Variants in KIF26B observed in about 807,000 individuals in gnomAD.
The protein encoded by KIF26B is kinesin-like protein KIF26B.
KIF26B carries 63 observed loss-of-function variants against 151.2 expected under a neutral mutation model. That is an observed-to-expected ratio of 0.42 (90% CI 0.34 to 0.51). The LOEUF (loss-of-function observed/expected upper bound fraction) is 0.51. Ranked by LOEUF, KIF26B falls within the 20% of genes least tolerant of loss-of-function variation. The pLI is 0.07. For synonymous variants in KIF26B, 1,357 were observed against 1,262.1 expected, an observed-to-expected ratio of 1.08 and a Z score of -1.59; for missense variants, 2,813 against 2,913.6, an observed-to-expected ratio of 0.97 and a Z score of 0.79.
chr1:245,504,597 TC>T (rs1236525419), intron 4 of KIF26B, among the ~76,000 whole-genome samples: 2 of 151,870 alleles, frequency 1.3e-5, no homozygotes, highest in African/African-American at 4.8e-5. Context: ...ACACCACCAC[TC>T]CCAGCTAGTT....
chr1:245,173,376 A>G (rs1189848571), intron 2 of KIF26B, among the ~76,000 whole-genome samples: 3 of 152,210 alleles, frequency 2.0e-5, no homozygotes, highest in Non-Finnish European at 4.4e-5. Context: ...CTGGGCGCAC[A>G]CACACGGAAA....
At position 245,556,650 on chromosome 1, in the gene KIF26B, C is replaced by T. The variant is rs147810048; in HGVS notation, c.1350+15700C>T. Among the ~76,000 whole-genome samples, 798 of 152,254 alleles carry T rather than the reference C, an allele frequency of 5.2e-3. 7 individuals carry two copies. Among genetic ancestry groups the T allele is most frequent in the African/African-American group, 0.018 (755 of 41,544 alleles). On this transcript the variant is annotated intron_variant, in intron 5 of 14. Transcript: ENST00000407071. Reference sequence around the variant, plus strand: ...CTCCTGAGTTCGGATGATTTGCCGGCCTTGGCCTCCCAAAGTGCTGGGATT... The same window carrying T: ...CTCCTGAGTTCGGATGATTTGCCGGTCTTGGCCTCCCAAAGTGCTGGGATT...
At position 245,218,728 on chromosome 1, in the gene KIF26B, A is replaced by G. The variant is rs1336072251; in HGVS notation, c.465+62045A>G. On this transcript the variant is annotated intron_variant, in intron 2 of 14. Transcript: ENST00000407071. This position sits in a 1 kb window ranked among gnomAD's most constrained non-coding sequence, Gnocchi z 4.1. The stretch of plus-strand genomic sequence containing the variant: ...TCAGAATTTTAATAAGCAAATATAC[A>G]TGGTACCTTGCCGTAGGGGGGCTTT... 1.3e-5 allele frequency among the ~76,000 whole-genome samples: 2 copies of G among 152,154 alleles called. No individual in the cohort carries two copies. Among genetic ancestry groups the G allele is most frequent in the African/African-American group, 4.8e-5 (2 of 41,432 alleles).
intron 10 of KIF26B, among the ~76,000 whole-genome samples, chr1:245,655,070 T>C (rs1197983222): frequency 6.6e-6 from 1 of 152,240 alleles, no homozygotes. Context: ...GTGGAATCGC[T>C]GTGCTTTCTA....
At chr1:245,371,462 C>G (rs1455315323) in intron 3 of KIF26B, 1 of 152,198 alleles carries the variant, frequency 6.6e-6, no homozygotes, top group African/African-American at 2.4e-5. Flanking sequence ...ATTCCCCGGG[C>G]AGAGAAGCAT....
At chr1:245,588,795 T>C (rs919248940) in intron 5 of KIF26B, among the ~76,000 whole-genome samples, 3 of 152,180 alleles carry the variant, frequency 2.0e-5, no homozygotes, top group Non-Finnish European at 4.4e-5. Flanking sequence ...GTTCAACACA[T>C]GCTGAGTGGA....
chr1:245,698,659 A>G lies in KIF26B; in HGVS notation c.6028-228A>G. On this transcript the variant is annotated intron_variant, in intron 13 of 14. Coordinates refer to ENST00000407071, the MANE Select transcript of KIF26B (RefSeq NM_018012.4). This position sits in a 1 kb window ranked among gnomAD's most constrained non-coding sequence, Gnocchi z 4.0. ...TTTCTCAACTTAAGAATGGCCTGTC[A>G]TAGTCCAAAAATGGTCTGTCATAGT... Among the ~76,000 whole-genome samples, 1 of 149,218 alleles carries G rather than the reference A, an allele frequency of 6.7e-6. No individual in the cohort carries two copies. The highest frequency in any genetic ancestry group is 1.9e-4 in the East Asian group (1 of 5,194).
At chr1:245,533,019 C>T (rs763854194) in intron 4 of KIF26B, among the ~76,000 whole-genome samples, 1 of 152,236 alleles carries the variant, frequency 6.6e-6, no homozygotes, top group Non-Finnish European at 1.5e-5. Flanking sequence ...AGCTCTGCCT[C>T]AGAACGTAGG....
intron 4 of KIF26B, among the ~76,000 whole-genome samples, chr1:245,445,067 C>T (rs1342131320): frequency 1.3e-5 from 2 of 152,150 alleles, no homozygotes; most frequent in Non-Finnish European, 2.9e-5. Context: ...AGAATCTGTC[C>T]TTTGCTCACT....
At chr1:245,600,289 C>G (rs6666305) in intron 5 of KIF26B, among the ~76,000 whole-genome samples, 4 of 108,320 alleles carry the variant, frequency 3.7e-5, no homozygotes, top group African/African-American at 8.8e-5. Context: ...CCGCCCGCCT[C>G]GGCCTCCCAA....
chr1:245,546,031 C>A (rs1479719350), intron 5 of KIF26B, among the ~76,000 whole-genome samples: 3 of 152,206 alleles, frequency 2.0e-5, no homozygotes, highest in Admixed American at 2.0e-4. Flanking sequence ...GGATTGATGA[C>A]AATCAACCTT....
intron 2 of KIF26B, among the ~76,000 whole-genome samples, chr1:245,348,548 AG>A (rs1672503583): frequency 1.3e-5 from 2 of 152,154 alleles, no homozygotes; most frequent in South Asian, 4.1e-4. Flanking sequence ...CACACAGTGG[AG>A]GGGGCGAGGA....
chr1:245,228,437 A>T (rs1669921838), intron 2 of KIF26B, among the ~76,000 whole-genome samples: 1 of 151,822 alleles, frequency 6.6e-6, no homozygotes, highest in South Asian at 2.1e-4. Context: ...CTGGAGGCGC[A>T]TGCCTGTAAT....
rs984081576 is a variant in KIF26B, at chr1:245,516,473, A to T, written c.1167-24294A>T. On this transcript the variant is annotated intron_variant, in intron 4 of 14. Transcript: ENST00000407071. The surrounding 1 kb of genome is among the most constrained non-coding windows in gnomAD (Gnocchi z 4.2). ...ATTGATATCACATGCGTCTATATGAACGCCCCGCTGCAGCTGCCTTTGCTA... is the reference window on the plus strand; with the variant it reads ...ATTGATATCACATGCGTCTATATGATCGCCCCGCTGCAGCTGCCTTTGCTA... 6.6e-6 allele frequency among the ~76,000 whole-genome samples: 1 copy of T among 152,156 alleles called. No homozygotes were observed. Among genetic ancestry groups the T allele is most frequent in the Non-Finnish European group, 1.5e-5 (1 of 68,042 alleles).
chr1:245,617,458 T>C (rs11582843), intron 9 of KIF26B, among the ~76,000 whole-genome samples: 41,903 of 152,104 alleles, frequency 0.28, 6,725 homozygotes, highest in East Asian at 0.5. Context: ...ACTAATGCTG[T>C]ATTTAGGGCT....
intron 3 of KIF26B, among the ~76,000 whole-genome samples, chr1:245,368,711 T>C (rs1190909526): frequency 6.6e-6 from 1 of 152,132 alleles, no homozygotes; most frequent in Non-Finnish European, 1.5e-5. Flanking sequence ...CAAGAGTCCT[T>C]CACCAGACCT....
intron 14 of KIF26B, among the ~76,000 whole-genome samples, chr1:245,701,661 AGGCAGGCAG>A (rs1458299171): frequency 1.3e-5 from 2 of 152,172 alleles, no homozygotes; most frequent in African/African-American, 4.8e-5. Flanking sequence ...CAGCAACTCA[AGGCAGGCAG>A]GGCAGGCAGC....
rs544676853 is a variant in KIF26B, at chr1:245,156,673, T to C, written c.455T>C (p.Phe152Ser). The change falls in exon 2 of 15, where the codon TTC (phenylalanine) becomes TCC (serine). Residue 152 changes from phenylalanine (F) to serine (S), a missense_variant. Transcript: ENST00000407071. ...QALRLLLPGP[F>S]PGKDPAFSAV... ...CTGAGGTTGCTCCTCCCGGGGCCCT[T>C]CCCGGGCAAGGTGAGCGCCGCGCGG... is the stretch of plus-strand genomic sequence containing the variant. 7 of 1,497,912 alleles carry C rather than the reference T, an allele frequency of 4.7e-6. No individual in the cohort carries two copies. In the South Asian group the frequency reaches 7.4e-5, roughly 16 times the overall value. 92.8% of individuals were successfully genotyped at this position (1,497,912 alleles called of 1,614,324 possible).
rs2042977962 is a variant in KIF26B at position 245,563,687 on chromosome 1, G to C, written c.1350+22737G>C. 6.6e-6 allele frequency among the ~76,000 whole-genome samples: 1 copy of C among 152,126 alleles called. No individual in the cohort carries two copies. Among genetic ancestry groups the C allele is most frequent in the African/African-American group, 2.4e-5 (1 of 41,444 alleles). On this transcript the variant is annotated intron_variant, in intron 5 of 14. Transcript: ENST00000407071. The surrounding 1 kb of genome is among the most constrained non-coding windows in gnomAD (Gnocchi z 4.6). ...AAGAATGGACTGCCTGTATAATGGT[G>C]GTCCCATAAGATTATAATACTGTGT...
Sources: gnomAD v4.1 joint callset for allele counts (sites outside exome capture counted in the v4.1 genomes callset) on GRCh38, gnomAD v4.1.1 for gene constraint, Gnocchi (gnomAD v3.1) non-coding constraint, MANE v1.5 for transcripts, NCBI Gene and HGNC (gene_info 2026-07-23, HGNC 2026-07-21) for gene names.